GRM1: variants seen among roughly 807,000 people sequenced by gnomAD.
GRM1 encodes metabotropic glutamate receptor 1.
GRM1 carries 33 observed loss-of-function variants against 90.9 expected under a neutral mutation model. The observed-to-expected ratio is 0.36, with a 90% confidence interval of 0.28 to 0.49. The LOEUF (loss-of-function observed/expected upper bound fraction) is 0.49, where lower values mean the gene tolerates loss of function less well. GRM1 is among the 20% of genes least tolerant of loss of function. The pLI is 0.99. For missense variants in GRM1, 1,190 were observed against 1,534.3 expected (o/e 0.78, Z 3.75); for synonymous variants, 700 against 613.2 (o/e 1.14, Z -2.09).
At chr6:146,120,048 C>T (rs187893751) in intron 1 of GRM1, among the ~76,000 whole-genome samples, 54 of 152,242 alleles carry the variant, frequency 3.5e-4, no homozygotes, top group Admixed American at 2.0e-3. Context: ...GCCATTTTCA[C>T]GATATTGATT....
At chr6:146,307,739 G>A (rs1387462795) in intron 3 of GRM1, among the ~76,000 whole-genome samples, 1 of 152,034 alleles carries the variant, frequency 6.6e-6, no homozygotes, top group African/African-American at 2.4e-5. Flanking sequence ...CACTTCTAGT[G>A]GTTTGGAAAG....
intron 3 of GRM1, among the ~76,000 whole-genome samples, chr6:146,343,654 T>G (rs959102494): frequency 7.0e-6 from 1 of 143,460 alleles, no homozygotes; most frequent in Admixed American, 6.7e-5. Context: ...TGTTGTTGTT[T>G]TTATTTATTA....
chr6:146,074,266 G>C (rs1488770380), intron 1 of GRM1, among the ~76,000 whole-genome samples: 1 of 152,108 alleles, frequency 6.6e-6, no homozygotes, highest in Non-Finnish European at 1.5e-5. Flanking sequence ...CCTTCATCTC[G>C]AAAAGGTTGC....
chr6:146,414,697 T>A (rs1291695664), intron 7 of GRM1, among the ~76,000 whole-genome samples: 3 of 152,232 alleles, frequency 2.0e-5, no homozygotes, highest in Non-Finnish European at 4.4e-5. Flanking sequence ...CCACCACACC[T>A]GGCCTGCCTT....
chr6:146,198,137 A>G (rs1779183077), intron 2 of GRM1, among the ~76,000 whole-genome samples: 1 of 152,274 alleles, frequency 6.6e-6, no homozygotes, highest in African/African-American at 2.4e-5. Context: ...CATTAAATAC[A>G]TGCAGCTCTT....
At chr6:146,057,297 C>T (rs1339116807) in intron 1 of GRM1, among the ~76,000 whole-genome samples, 1 of 152,074 alleles carries the variant, frequency 6.6e-6, no homozygotes, top group Non-Finnish European at 1.5e-5. Flanking sequence ...GCTTCAAATA[C>T]GATAAATGCC....
chr6:146,393,441 T>A (rs1241579209), intron 6 of GRM1, among the ~76,000 whole-genome samples: 1 of 152,220 alleles, frequency 6.6e-6, no homozygotes. Flanking sequence ...CTTTGTCAGA[T>A]GGATAGATTG....
intron 3 of GRM1, among the ~76,000 whole-genome samples, chr6:146,331,003 T>C (rs997445903): frequency 1.3e-5 from 2 of 152,266 alleles, no homozygotes; most frequent in South Asian, 4.1e-4. Context: ...AATTGTGAGA[T>C]GCAGAGACTG....
At chr6:146,121,129 T>A (rs1420954393) in intron 1 of GRM1, among the ~76,000 whole-genome samples, 1 of 152,202 alleles carries the variant, frequency 6.6e-6, no homozygotes, top group Non-Finnish European at 1.5e-5. Flanking sequence ...CTTATTGGTC[T>A]ATTCAGAGGT....
intron 2 of GRM1, among the ~76,000 whole-genome samples, chr6:146,276,000 G>T (rs893157050): frequency 6.6e-6 from 1 of 152,068 alleles, no homozygotes; most frequent in Non-Finnish European, 1.5e-5. Context: ...AAGGCAGAGA[G>T]AGAGAGAGAG....
At chr6:146,330,352 A>T (rs759685620) in intron 3 of GRM1, among the ~76,000 whole-genome samples, 6 of 152,136 alleles carry the variant, frequency 3.9e-5, no homozygotes, top group Non-Finnish European at 8.8e-5. Context: ...GTGTATTTTT[A>T]ATGAGTTTTT....
chr6:146,288,385 A>G (rs960479392), intron 2 of GRM1, among the ~76,000 whole-genome samples: 3 of 152,210 alleles, frequency 2.0e-5, no homozygotes, highest in African/African-American at 7.2e-5. Context: ...AGCAAAACTA[A>G]GAACTTGGAT....
At chr6:146,341,798 G>C (rs1006577241) in intron 3 of GRM1, among the ~76,000 whole-genome samples, 1 of 152,190 alleles carries the variant, frequency 6.6e-6, no homozygotes, top group Non-Finnish European at 1.5e-5. Flanking sequence ...GGTGCAGCCA[G>C]TCTTAACGAG....
rs551218869 is a variant in GRM1 at position 146,278,274 on chromosome 6, C to T, written c.951-26337C>T. On this transcript the variant is annotated intron_variant, in intron 2 of 7. Coordinates refer to ENST00000282753, the MANE Select transcript of GRM1 (RefSeq NM_001278064.2). Reference sequence around the variant, plus strand: ...ATCAGGTGATATAATATTAATGTTGCTTTATATGTGAGAAAAATTGGGCTT... The same window carrying T: ...ATCAGGTGATATAATATTAATGTTGTTTTATATGTGAGAAAAATTGGGCTT... Among the ~76,000 whole-genome samples the T allele has an allele frequency of 7.6e-4, 116 of 152,092 alleles. 3 individuals are homozygous for T. In the South Asian group the frequency reaches 0.024, roughly 31 times the overall value.
intron 3 of GRM1, among the ~76,000 whole-genome samples, chr6:146,306,724 G>A (rs1783591567): frequency 1.3e-5 from 2 of 152,170 alleles, no homozygotes; most frequent in African/African-American, 4.8e-5. Context: ...TGAAGGTGGT[G>A]AATTGGGCCC....
chr6:146,317,326 A>T (rs1431242062), intron 3 of GRM1, among the ~76,000 whole-genome samples: 1 of 152,214 alleles, frequency 6.6e-6, no homozygotes, highest in African/African-American at 2.4e-5. Flanking sequence ...TTGCCTAAAC[A>T]TGTAAGCTCA....
At chr6:146,052,374 G>A (rs944834008) in intron 1 of GRM1, among the ~76,000 whole-genome samples, 3 of 151,816 alleles carry the variant, frequency 2.0e-5, no homozygotes, top group African/African-American at 7.3e-5. Flanking sequence ...TTTATCTAGG[G>A]AGCTTTAAAA....
At chr6:146,276,892 T>C (rs566854560) in intron 2 of GRM1, among the ~76,000 whole-genome samples, 11 of 152,184 alleles carry the variant, frequency 7.2e-5, no homozygotes, top group Non-Finnish European at 1.5e-4. Context: ...CTTGAGCCCA[T>C]GAGCTCGAGA....
chr6:146,155,721 T>C (rs950035666), intron 1 of GRM1, among the ~76,000 whole-genome samples: 2 of 152,146 alleles, frequency 1.3e-5, no homozygotes, highest in African/African-American at 4.8e-5. Flanking sequence ...CAGAAAAAGA[T>C]AAAAGCCTCC....
Sources: allele counts gnomAD v4.1 joint callset (sites outside exome capture counted in the v4.1 genomes callset), GRCh38; gene constraint gnomAD v4.1.1; transcripts MANE v1.5; gene names NCBI Gene and HGNC (gene_info 2026-07-23, HGNC 2026-07-21).